The following PIWIL4 variants were observed in gnomAD, a reference collection of about 807,000 sequenced individuals.
The protein encoded by PIWIL4 is piwi-like protein 4.
PIWIL4 carries 50 observed loss-of-function variants against 100.9 expected under a neutral mutation model. The ratio of observed to expected loss-of-function variants is 0.50; its 90% confidence interval spans 0.39 to 0.63. The LOEUF is 0.63. Ranked by LOEUF, PIWIL4 falls within the 20% of genes least tolerant of loss-of-function variation. PIWIL4 has a pLI of 0.00. For missense variants in PIWIL4, 887 were observed against 1,043.3 expected (o/e 0.85, Z 2.06); for synonymous variants, 342 against 367.5 (o/e 0.93, Z 0.79).
intron 4 of PIWIL4, among the ~76,000 whole-genome samples, chr11:94,582,921 G>C (rs1591782114): frequency 6.6e-6 from 1 of 152,166 alleles, no homozygotes. Context: ...TTGGGAGGCT[G>C]TCCTCTGGAA....
At chr11:94,603,481 C>T (rs1041520252) in intron 12 of PIWIL4, among the ~76,000 whole-genome samples, 1 of 152,150 alleles carries the variant, frequency 6.6e-6, no homozygotes, top group Non-Finnish European at 1.5e-5. Context: ...TTCCAGGCTC[C>T]AGACAAGCAA....
intron 10 of PIWIL4, among the ~76,000 whole-genome samples, chr11:94,597,254 T>G (rs1025956777): frequency 9.2e-5 from 14 of 152,202 alleles, no homozygotes; most frequent in Non-Finnish European, 1.6e-4. Flanking sequence ...ATCATCCTTC[T>G]TCGACTCTCA....
Position 94,619,881 on chromosome 11 carries a change from G to A in PIWIL4, c.2290G>A (p.Glu764Lys), listed in dbSNP as rs781571444. The A allele has an allele frequency of 2.8e-5, 46 of 1,614,078 alleles. No individual in the cohort carries two copies. Among genetic ancestry groups the A allele is most frequent in the African/African-American group, 6.7e-5 (5 of 74,934 alleles). ...TGTGGATTCAGAAGCAACACGTAACGAATGGCAAGTGCCGCTGGAAAATCA... is the reference window on the plus strand; with the variant it reads ...TGTGGATTCAGAAGCAACACGTAACAAATGGCAAGTGCCGCTGGAAAATCA... ...TVVDSEATRN[E>K]WYDFYLISQV... Residue 764 changes from glutamate (E) to lysine (K), a missense_variant, in exon 18 of 20, where the codon GAA becomes AAA. Around this residue, in one of 2 missense-constraint regions of PIWIL4, gnomAD observed 741 missense variants for 930.0 expected, o/e 0.80. Transcript: ENST00000299001.
intron 10 of PIWIL4, among the ~76,000 whole-genome samples, chr11:94,595,860 T>G (rs1259272822): frequency 6.6e-6 from 1 of 152,180 alleles, no homozygotes; most frequent in Admixed American, 6.5e-5. Context: ...CTATGTGCCT[T>G]TTAAATTTGA....
chr11:94,583,522 A>G lies in PIWIL4; in HGVS notation c.588A>G (p.Pro196=), dbSNP rs778677196. The G allele has an allele frequency of 6.2e-7, 1 of 1,614,078 alleles. No individual in the cohort carries two copies. The highest frequency in any genetic ancestry group is 1.1e-5 in the South Asian group (1 of 91,088). ...CTATCACCCTGAAGAGGGAGCTGCC[A>G]TCAAGTTCTCCCGTGTGCATCCAGG... ...KMTITLKREL[P]SSSPVCIQVF... is the part of the protein sequence containing the mutation. Residue 196 remains proline (P), a synonymous_variant, in exon 5 of 20, where the codon CCA becomes CCG. Transcript: ENST00000299001.
Position 94,607,628 on chromosome 11 carries a change from G to A in PIWIL4, c.1828G>A (p.Val610Met). ...CAAGCTCGGAGGCGAGCTGTGGGCTGTGGAAATACCTGTAAGGACCCTGTC... is the reference window on the plus strand; with the variant it reads ...CAAGCTCGGAGGCGAGCTGTGGGCTATGGAAATACCTGTAAGGACCCTGTC... ...TCKLGGELWAVEIPLKSLMVV... is the reference protein window; with the variant it reads ...TCKLGGELWAMEIPLKSLMVV... The change falls in exon 14 of 20, where the codon GTG (valine) becomes ATG (methionine). Residue 610 changes from valine (V) to methionine (M), a missense_variant. Around this residue, in one of 2 missense-constraint regions of PIWIL4, gnomAD observed 741 missense variants for 930.0 expected, o/e 0.80. Transcript: ENST00000299001. 1.2e-6 allele frequency: 2 copies of A among 1,613,962 alleles called. No homozygotes were observed. The highest frequency in any genetic ancestry group is 1.1e-5 in the South Asian group (1 of 91,062).
At chr11:94,568,959 T>C in intron 2 of PIWIL4, 151 bp downstream of exon 2, 1 of 658,202 alleles carries the variant, frequency 1.5e-6, no homozygotes, top group South Asian at 2.2e-5. Context: ...TTTGGGACTC[T>C]TTAACATAGA....
intron 1 of PIWIL4, chr11:94,567,918 G>A (rs1948097595): frequency 4.3e-6 from 3 of 694,634 alleles, no homozygotes; most frequent in South Asian, 1.3e-4. Flanking sequence ...AAAAAGTGAT[G>A]TGCTTTCATA....
chr11:94,618,800 C>T (rs1359829643), intron 17 of PIWIL4, among the ~76,000 whole-genome samples: 1 of 152,204 alleles, frequency 6.6e-6, no homozygotes, highest in African/African-American at 2.4e-5. Context: ...GTTACATCAT[C>T]ATCATCACCA....
intron 2 of PIWIL4, among the ~76,000 whole-genome samples, chr11:94,572,469 G>A (rs1320459979): frequency 6.6e-6 from 1 of 152,188 alleles, no homozygotes; most frequent in Non-Finnish European, 1.5e-5. Flanking sequence ...TTTTGTGTGA[G>A]GCGTAGGGAA....
intron 19 of PIWIL4, among the ~76,000 whole-genome samples, 190 bp downstream of exon 19, chr11:94,620,334 C>T (rs1948892393): frequency 6.6e-6 from 1 of 152,178 alleles, no homozygotes; most frequent in Non-Finnish European, 1.5e-5. Flanking sequence ...AGCAGTCTAT[C>T]ATAGAAACAA....
chr11:94,598,119 G>GATTTAGGTTAGTCAGAAGACAGT (rs1431079588), intron 11 of PIWIL4, among the ~76,000 whole-genome samples: 1 of 152,190 alleles, frequency 6.6e-6, no homozygotes, highest in East Asian at 1.9e-4. Context: ...CAGTGGACAT[G>GATTTAGGTTAGTCAGAAGACAGT]ATTTAGGTTA....
intron 16 of PIWIL4, among the ~76,000 whole-genome samples, chr11:94,616,950 A>C (rs1413495841): frequency 6.6e-6 from 1 of 152,192 alleles, no homozygotes; most frequent in African/African-American, 2.4e-5. Flanking sequence ...ATAAAGTGGC[A>C]AAGCAAGAGA....
Position 94,589,155 on chromosome 11 carries a change from G to C in PIWIL4, c.949G>C (p.Asp317His), listed in dbSNP as rs758007571. 14 of 1,612,472 alleles carry C rather than the reference G, an allele frequency of 8.7e-6. No individual in the cohort carries two copies. The East Asian group carries it at 3.1e-4, about 36-fold the overall frequency. The change falls in exon 8 of 20, where the codon GAC (aspartate) becomes CAC (histidine). Residue 317 changes from aspartate (D) to histidine (H), a missense_variant. Around this residue, in one of 2 missense-constraint regions of PIWIL4, gnomAD observed 741 missense variants for 930.0 expected, o/e 0.80. Coordinates refer to ENST00000299001, the MANE Select transcript of PIWIL4 (RefSeq NM_152431.3). ...NNRTYSIDDI[D>H]WSVKPTHTFQ... ...CAGAACCTACTCCATTGATGACATT[G>C]ACTGGTCAGTGAAGCCCACACACAC...
At chr11:94,609,601 T>C (rs1432885656) in intron 15 of PIWIL4, among the ~76,000 whole-genome samples, 1 of 152,184 alleles carries the variant, frequency 6.6e-6, no homozygotes, top group East Asian at 1.9e-4. Context: ...GCCACATCAT[T>C]AATCAAGTTG....
intron 12 of PIWIL4, 24 bp from the exon 13 acceptor site, chr11:94,603,960 T>C: frequency 6.6e-7 from 1 of 1,515,336 alleles, no homozygotes; most frequent in Non-Finnish European, 9.1e-7. Context: ...GTTACATAGC[T>C]TCAAAATTAA....
Position 94,567,576 on chromosome 11 carries a change from G to A in PIWIL4, c.58G>A (p.Glu20Lys), listed in dbSNP as rs1210323347. The A allele has an allele frequency of 1.9e-6, 3 of 1,607,050 alleles. No homozygotes were observed. The highest frequency in any genetic ancestry group is 2.2e-5 in the East Asian group (1 of 44,700). Residue 20 changes from glutamate to lysine, a missense_variant, in exon 1 of 20, where the codon GAA (glutamate) becomes AAA (lysine). By Grantham distance (56) the Glu-to-Lys change is moderately conservative. Around this residue, in one of 2 missense-constraint regions of PIWIL4, gnomAD observed 146 missense variants for 113.4 expected, o/e 1.29. Transcript: ENST00000299001. ...CATCGCCCGCAGCCCCAGTGCCACA[G>A]AAGTGGGGCGCATCCAAGCCTCGCC... Reference protein sequence around the residue: ...RGIARSPSATEVGRIQASPLP... With the variant: ...RGIARSPSATKVGRIQASPLP...
chr11:94,602,802 C>T (rs1184144769), intron 12 of PIWIL4, among the ~76,000 whole-genome samples: 2 of 152,124 alleles, frequency 1.3e-5, no homozygotes, highest in East Asian at 3.8e-4. Context: ...CATTTAACAC[C>T]ATTGTTTAGA....
At chr11:94,587,721 C>T (rs1158935267) in intron 7 of PIWIL4, among the ~76,000 whole-genome samples, 1 of 152,202 alleles carries the variant, frequency 6.6e-6, no homozygotes, top group East Asian at 1.9e-4. Context: ...CTTGTTGTGG[C>T]CATCTTATTT....
Sources: gnomAD v4.1 joint callset for allele counts (sites outside exome capture counted in the v4.1 genomes callset) on GRCh38, gnomAD v4.1.1 for gene constraint, gnomAD v4.1.1 regional missense constraint, MANE v1.5 for transcripts, NCBI Gene and HGNC (gene_info 2026-07-23, HGNC 2026-07-21) for gene names.